ZNF385D: variants seen among roughly 807,000 people sequenced by gnomAD.
ZNF385D encodes zinc finger protein 385D.
ZNF385D carries 15 observed loss-of-function variants against 35.8 expected under a neutral mutation model. The observed-to-expected ratio is 0.42, with a 90% confidence interval of 0.28 to 0.64. The LOEUF is 0.64. Among genes scored for constraint, ZNF385D ranks in the 30% least tolerant of loss-of-function variants. The pLI is 0.23. For synonymous variants in ZNF385D, 212 were observed against 186.8 expected (o/e 1.13, Z -1.10); for missense variants, 474 against 494.6 (o/e 0.96, Z 0.39).
chr3:21,584,221 C>T (rs747913017), intron 2 of ZNF385D, among the ~76,000 whole-genome samples: 36 of 152,094 alleles, frequency 2.4e-4, no homozygotes, highest in Admixed American at 5.2e-4. Flanking sequence ...TCAAGTGATC[C>T]GCCCACCTTG....
intron 3 of ZNF385D, among the ~76,000 whole-genome samples, chr3:21,557,295 G>A (rs1187579431): frequency 6.6e-6 from 1 of 152,204 alleles, no homozygotes; most frequent in Non-Finnish European, 1.5e-5. Context: ...GATACTGGCT[G>A]TGGGTTTGTC....
intron 4 of ZNF385D, among the ~76,000 whole-genome samples, chr3:21,496,361 C>A (rs1025153104): frequency 7.1e-6 from 1 of 141,534 alleles, no homozygotes; most frequent in South Asian, 2.2e-4. Context: ...ATGTATATAT[C>A]ATATATACAC....
At chr3:22,241,761 C>T (rs1559473796) in intron 2 of ZNF385D, among the ~76,000 whole-genome samples, 1 of 150,336 alleles carries the variant, frequency 6.7e-6, no homozygotes, top group Non-Finnish European at 1.5e-5. Context: ...TAAAAAAAAC[C>T]TTTTTTTTCT....
At chr3:22,310,065 C>T (rs982909348) in intron 2 of ZNF385D, among the ~76,000 whole-genome samples, 1 of 151,894 alleles carries the variant, frequency 6.6e-6, no homozygotes, top group African/African-American at 2.4e-5. Flanking sequence ...AATAAGACCT[C>T]CAATAAATAC....
In ZNF385D at chr3:21,532,757, A is replaced by G. The variant is rs1324262241; in HGVS notation, c.277-21734T>C. The stretch of plus-strand genomic sequence containing the variant: ...GTTTTTGTTTATCTCTCACCAATTC[A>G]TTTTAGCATATATAGAGTTCATTCA... On this transcript the variant is annotated intron_variant, in intron 3 of 7. Transcript: ENST00000281523. 1.3e-5 allele frequency among the ~76,000 whole-genome samples: 2 copies of G among 151,744 alleles called. 1 individual carries two copies. Among genetic ancestry groups the G allele is most frequent in the South Asian group, 4.2e-4 (2 of 4,812 alleles).
At chr3:21,536,255 G>C (rs1677381815) in intron 3 of ZNF385D, among the ~76,000 whole-genome samples, 1 of 152,108 alleles carries the variant, frequency 6.6e-6, no homozygotes. Context: ...TGCTAAGATA[G>C]TAAGAAAAGC....
chr3:22,046,718 T>C (rs1372460753), intron 3 of ZNF385D, among the ~76,000 whole-genome samples: 1 of 152,122 alleles, frequency 6.6e-6, no homozygotes, highest in Non-Finnish European at 1.5e-5. Flanking sequence ...CTCACTAAAC[T>C]AGGTAGAGTT....
intron 1 of ZNF385D, among the ~76,000 whole-genome samples, chr3:21,702,097 G>T (rs115667744): frequency 2.0e-5 from 3 of 152,202 alleles, no homozygotes. Flanking sequence ...TCTGTGTGGG[G>T]CTCTGACCCC....
chr3:21,947,350 T>TTTATTTAC (rs1701842628), intron 3 of ZNF385D, among the ~76,000 whole-genome samples: 1 of 149,638 alleles, frequency 6.7e-6, no homozygotes, highest in African/African-American at 2.4e-5. Context: ...TTACTAGTTA[T>TTTATTTAC]TTATTTATTT....
intron 2 of ZNF385D, among the ~76,000 whole-genome samples, chr3:21,632,228 T>C (rs191944993): frequency 2.6e-5 from 4 of 152,252 alleles, no homozygotes; most frequent in Admixed American, 2.6e-4. Flanking sequence ...AGATGGATAC[T>C]AAATAAATTT....
intron 3 of ZNF385D, among the ~76,000 whole-genome samples, chr3:21,537,278 G>T (rs1170627880): frequency 6.6e-6 from 1 of 151,532 alleles, no homozygotes; most frequent in African/African-American, 2.4e-5. Context: ...GATTACAGGT[G>T]CCTGCCACCA....
intron 1 of ZNF385D, among the ~76,000 whole-genome samples, chr3:21,705,792 G>A (rs774988591): frequency 1.4e-4 from 21 of 152,078 alleles, no homozygotes; most frequent in African/African-American, 4.8e-4. Context: ...GTTTGCATTC[G>A]AGGTGGATTT....
intron 2 of ZNF385D, among the ~76,000 whole-genome samples, chr3:21,608,778 G>C (rs1193151899): frequency 6.6e-6 from 1 of 152,152 alleles, no homozygotes; most frequent in African/African-American, 2.4e-5. Context: ...AATGAAAGTA[G>C]TTCCCAATCC....
At chr3:21,897,292 C>G (rs189958848) in intron 3 of ZNF385D, among the ~76,000 whole-genome samples, 1 of 152,100 alleles carries the variant, frequency 6.6e-6, no homozygotes, top group African/African-American at 2.4e-5. Flanking sequence ...AATACATTGC[C>G]TGGGTGACTG....
chr3:22,232,321 CT>C (rs35548918), intron 2 of ZNF385D, among the ~76,000 whole-genome samples: 26,638 of 147,762 alleles, frequency 0.18, 2,486 homozygotes, highest in African/African-American at 0.24. Context: ...ATGATTACAC[CT>C]TTTTTTTTTT....
chr3:21,503,283 T>C (rs1416278450), intron 4 of ZNF385D, among the ~76,000 whole-genome samples: 3 of 152,194 alleles, frequency 2.0e-5, no homozygotes, highest in Non-Finnish European at 4.4e-5. Context: ...CAATATATCC[T>C]ATATACAAAC....
intron 3 of ZNF385D, among the ~76,000 whole-genome samples, chr3:21,964,441 A>G (rs1271255640): frequency 2.8e-5 from 4 of 143,370 alleles, no homozygotes; most frequent in African/African-American, 5.1e-5. Flanking sequence ...AAGAAAAAAA[A>G]AAAAAGAAAA....
At chr3:22,029,760 A>G (rs952324238) in intron 3 of ZNF385D, among the ~76,000 whole-genome samples, 2 of 152,108 alleles carry the variant, frequency 1.3e-5, no homozygotes, top group Non-Finnish European at 2.9e-5. Context: ...TTCTAGTTGT[A>G]TGAAGGGTAG....
At chr3:21,636,143 C>T (rs1000098946) in intron 2 of ZNF385D, among the ~76,000 whole-genome samples, 6 of 151,530 alleles carry the variant, frequency 4.0e-5, no homozygotes, top group African/African-American at 9.7e-5. Context: ...CACTGTTTTC[C>T]GTAGTGGTTG....
Sources: gnomAD v4.1 joint callset for allele counts (sites outside exome capture counted in the v4.1 genomes callset) on GRCh38, gnomAD v4.1.1 for gene constraint, MANE v1.5 for transcripts, NCBI Gene and HGNC (gene_info 2026-07-23, HGNC 2026-07-21) for gene names.